PTPRN2: variants seen among roughly 807,000 people sequenced by gnomAD.
PTPRN2 encodes the protein receptor-type tyrosine-protein phosphatase N2.
Under a neutral mutation model 118.8 loss-of-function variants are expected in PTPRN2, and 74 were observed. The observed-to-expected ratio is 0.62, with a 90% CI of 0.52 to 0.76. The LOEUF (loss-of-function observed/expected upper bound fraction) is 0.76, where lower values mean the gene tolerates loss of function less well. Ranked by LOEUF, PTPRN2 falls within the 30% of genes least tolerant of loss-of-function variation. PTPRN2 has a pLI of 0.00. For missense variants in PTPRN2, 1,481 were observed against 1,394.4 expected, an observed-to-expected ratio of 1.06 and a Z score of -0.99; for synonymous variants, 641 against 608.0, an observed-to-expected ratio of 1.05 and a Z score of -0.80.
intron 1 of PTPRN2, among the ~76,000 whole-genome samples, chr7:158,491,261 T>C (rs1448721164): frequency 6.6e-6 from 1 of 152,192 alleles, no homozygotes; most frequent in African/African-American, 2.4e-5. Context: ...CTTCCACAGT[T>C]GCAGGGCGGC....
chr7:158,354,271 T>A (rs1808219862), intron 2 of PTPRN2, among the ~76,000 whole-genome samples: 1 of 151,810 alleles, frequency 6.6e-6, no homozygotes, highest in Non-Finnish European at 1.5e-5. Context: ...AGAGAAGAGA[T>A]AAATAAATAA....
chr7:157,565,786 C>T (rs936687832), intron 21 of PTPRN2, among the ~76,000 whole-genome samples: 1 of 152,168 alleles, frequency 6.6e-6, no homozygotes, highest in Admixed American at 6.5e-5. Flanking sequence ...TGTTTTGCTA[C>T]ATGTGAGCCA....
At chr7:158,369,268 T>TACAC (rs59470664) in intron 2 of PTPRN2, among the ~76,000 whole-genome samples, 6 of 144,872 alleles carry the variant, frequency 4.1e-5, no homozygotes, top group Admixed American at 6.9e-5. Flanking sequence ...TATACACACA[T>TACAC]ACACACACAC....
Position 158,518,485 on chromosome 7 carries a change from C to A in PTPRN2, c.113-28700G>T, listed in dbSNP as rs571886029. On this transcript the variant is annotated intron_variant, in intron 1 of 22. Coordinates refer to ENST00000389418, the MANE Select transcript of PTPRN2 (RefSeq NM_002847.5). Reference sequence around the variant, plus strand: ...AAGTGAAGAAAATGCACAGCCAAGCCGGGCCAGAACGTCCACAGAGGCTAA... The same window carrying A: ...AAGTGAAGAAAATGCACAGCCAAGCAGGGCCAGAACGTCCACAGAGGCTAA... Among the ~76,000 whole-genome samples, 167 of 152,218 alleles carry A rather than the reference C, an allele frequency of 1.1e-3. 1 individual carries two copies. The highest frequency in any genetic ancestry group is 3.6e-3 in the African/African-American group (149 of 41,534).
rs537964839 is a variant in PTPRN2, at chr7:158,205,710, A to T, written c.278-437T>A. 1.0e-3 allele frequency among the ~76,000 whole-genome samples: 156 copies of T among 152,284 alleles called. 3 individuals are homozygous for T. The South Asian group carries it at 0.032, about 31-fold the overall frequency. The stretch of plus-strand genomic sequence containing the variant: ...TGGAAAAGATCATTTGGAATTGCTG[A>T]TGTCACCCCTCACCCATCCCCCTGC... On this transcript the variant is annotated intron_variant, in intron 3 of 22. Transcript: ENST00000389418.
intron 12 of PTPRN2, among the ~76,000 whole-genome samples, chr7:157,702,855 G>T (rs546304518): frequency 6.6e-6 from 1 of 152,306 alleles, no homozygotes; most frequent in Non-Finnish European, 1.5e-5. Context: ...CCCTCAGAAG[G>T]AGCTGAGGTC....
At chr7:158,005,548 G>A (rs545549011) in intron 11 of PTPRN2, among the ~76,000 whole-genome samples, 2 of 152,354 alleles carry the variant, frequency 1.3e-5, no homozygotes, top group East Asian at 3.9e-4. Context: ...GTAGGGGCTA[G>A]TAAAGCCCAC....
intron 3 of PTPRN2, among the ~76,000 whole-genome samples, chr7:158,248,190 G>A (rs367942886): frequency 1.7e-4 from 26 of 152,250 alleles, no homozygotes; most frequent in East Asian, 1.2e-3. Context: ...TTCCAGGAGC[G>A]GCCCCACCCC....
intron 2 of PTPRN2, among the ~76,000 whole-genome samples, chr7:158,440,474 GTGGTGATGA>G (rs918639840): frequency 6.6e-6 from 1 of 151,830 alleles, no homozygotes; most frequent in Non-Finnish European, 1.5e-5. Context: ...TATGGGTGTG[GTGGTGATGA>G]TGGTGGTGAT....
chr7:157,671,003 A>C lies in PTPRN2; in HGVS notation c.2001+11722T>G, dbSNP rs1796382518. ...ATGTGCCATCCCTGTCATCACCCGCATCTTCAGCCTGCAGCGCGTAGGGAG... is the reference window on the plus strand; with the variant it reads ...ATGTGCCATCCCTGTCATCACCCGCCTCTTCAGCCTGCAGCGCGTAGGGAG... On this transcript the variant is annotated intron_variant, in intron 13 of 22. Coordinates refer to ENST00000389418, the MANE Select transcript of PTPRN2 (RefSeq NM_002847.5). This position sits in a 1 kb window ranked among gnomAD's most constrained non-coding sequence, Gnocchi z 4.1. 6.6e-6 allele frequency among the ~76,000 whole-genome samples: 1 copy of C among 152,090 alleles called. No homozygotes were observed. The highest frequency in any genetic ancestry group is 1.9e-4 in the East Asian group (1 of 5,188).
Position 158,401,974 on chromosome 7 carries a change from C to T in PTPRN2, c.164-85042G>A, listed in dbSNP as rs185564098. On this transcript the variant is annotated intron_variant, in intron 2 of 22. Transcript: ENST00000389418. ...TCCCATCTGGGAAAGGGGGTCTGGC[C>T]GGTGCCCAGAGCCAGGGAGAGGTGG... is the stretch of plus-strand genomic sequence containing the variant. Among the ~76,000 whole-genome samples, 8 of 152,204 alleles carry T rather than the reference C, an allele frequency of 5.3e-5. No individual in the cohort carries two copies. The East Asian group carries it at 7.7e-4, about 15-fold the overall frequency.
chr7:158,048,164 C>G (rs1585268209), intron 11 of PTPRN2, among the ~76,000 whole-genome samples: 1 of 151,994 alleles, frequency 6.6e-6, no homozygotes, highest in South Asian at 2.1e-4. Flanking sequence ...CAGGTCAGTA[C>G]CATTCTTTCA....
At chr7:157,565,093 C>T (rs1309457623) in intron 21 of PTPRN2, among the ~76,000 whole-genome samples, 3 of 152,318 alleles carry the variant, frequency 2.0e-5, no homozygotes, top group South Asian at 2.1e-4. Flanking sequence ...AGATGAGGTG[C>T]GTAGTATATT....
At chr7:157,708,590 G>A (rs529698038) in intron 12 of PTPRN2, among the ~76,000 whole-genome samples, 2 of 152,138 alleles carry the variant, frequency 1.3e-5, no homozygotes, top group Non-Finnish European at 2.9e-5. Context: ...CCGTGTTCCT[G>A]TCTGAGATGA....
chr7:158,149,905 G>C (rs1023749585), intron 6 of PTPRN2, among the ~76,000 whole-genome samples: 1 of 151,106 alleles, frequency 6.6e-6, no homozygotes, highest in South Asian at 2.1e-4. Context: ...AAAGTGGCAA[G>C]AATATATTTT....
chr7:158,315,927 G>A (rs1027819743), intron 3 of PTPRN2, among the ~76,000 whole-genome samples: 8 of 152,146 alleles, frequency 5.3e-5, no homozygotes, highest in South Asian at 2.1e-4. Flanking sequence ...CCACCCTGCC[G>A]TTGCCCCATG....
chr7:157,658,967 A>G (rs951758884), intron 13 of PTPRN2, among the ~76,000 whole-genome samples: 1 of 151,818 alleles, frequency 6.6e-6, no homozygotes, highest in African/African-American at 2.4e-5. Context: ...GCAATCGCCA[A>G]AGCTCAGGAA....
chr7:157,927,874 G>A (rs780427306), intron 11 of PTPRN2, among the ~76,000 whole-genome samples: 3 of 152,104 alleles, frequency 2.0e-5, no homozygotes, highest in Non-Finnish European at 4.4e-5. Context: ...CTTCACAGCT[G>A]AGGGTCTACA....
chr7:158,094,572 G>A (rs1481952804), intron 10 of PTPRN2, among the ~76,000 whole-genome samples: 1 of 152,082 alleles, frequency 6.6e-6, no homozygotes, highest in Non-Finnish European at 1.5e-5. Flanking sequence ...CTCCCAAACT[G>A]CTGGGATTAC....
Sources: allele counts gnomAD v4.1 joint callset (sites outside exome capture counted in the v4.1 genomes callset), GRCh38; gene constraint gnomAD v4.1.1; non-coding constraint Gnocchi (gnomAD v3.1); transcripts MANE v1.5; gene names NCBI Gene and HGNC (gene_info 2026-07-23, HGNC 2026-07-21).